Variants in PPARD observed in about 807,000 individuals in gnomAD.
PPARD encodes the protein peroxisome proliferator activated receptor delta.
In PPARD, 6 loss-of-function variants were observed where a neutral mutation model predicts 39.5. The observed-to-expected ratio is 0.15, with a 90% CI of 0.08 to 0.30. PPARD has a LOEUF of 0.30. Ranked by LOEUF, PPARD falls within the 10% of genes least tolerant of loss-of-function variation. PPARD has a pLI of 1.00. For synonymous variants in PPARD, 210 were observed against 231.3 expected (o/e 0.91, Z 0.83); for missense variants, 397 against 596.8 (o/e 0.67, Z 3.49).
At chr6:35,391,751 C>T (rs1029563108) in intron 2 of PPARD, among the ~76,000 whole-genome samples, 10 of 152,310 alleles carry the variant, frequency 6.6e-5, no homozygotes, top group Middle Eastern at 3.4e-3. Context: ...GCTCTACAGC[C>T]ATCTCTCCCT....
chr6:35,380,324 A>G (rs1330887426), intron 2 of PPARD, among the ~76,000 whole-genome samples: 1 of 152,178 alleles, frequency 6.6e-6, no homozygotes, highest in Non-Finnish European at 1.5e-5. Context: ...GTGGTTCCAC[A>G]TCTCACAGTG....
At chr6:35,388,012 A>C (rs915524095) in intron 2 of PPARD, among the ~76,000 whole-genome samples, 1 of 146,356 alleles carries the variant, frequency 6.8e-6, no homozygotes, top group Non-Finnish European at 1.5e-5. Flanking sequence ...GCGAGCCACC[A>C]CACCTGGCCA....
At position 35,412,934 on chromosome 6, in the gene PPARD, G is replaced by A. The variant is rs952210323; in HGVS notation, c.130+1717G>A. Among the ~76,000 whole-genome samples the A allele has an allele frequency of 6.6e-6, 1 of 152,180 alleles. No individual in the cohort carries two copies. The highest frequency in any genetic ancestry group is 1.5e-5 in the Non-Finnish European group (1 of 68,032). On this transcript the variant is annotated intron_variant, in intron 3 of 7. Coordinates refer to ENST00000360694, the MANE Select transcript of PPARD (RefSeq NM_006238.5). This position sits in a 1 kb window ranked among gnomAD's most constrained non-coding sequence, Gnocchi z 4.1. ...TGAAGAAGGTAGGGAGGGTTAGAAA[G>A]CAAAGGGAAGACAGTGGGGACTAAG...
intron 2 of PPARD, among the ~76,000 whole-genome samples, chr6:35,349,290 G>T (rs374258507): frequency 6.6e-6 from 1 of 152,190 alleles, no homozygotes; most frequent in African/African-American, 2.4e-5. Flanking sequence ...CTCCCAAAGT[G>T]CTGGGATTAC....
chr6:35,352,868 T>C (rs918758304), intron 2 of PPARD, among the ~76,000 whole-genome samples: 4 of 152,146 alleles, frequency 2.6e-5, no homozygotes, highest in African/African-American at 9.7e-5. Flanking sequence ...AATGTCAATG[T>C]TTCTCATGTC....
intron 4 of PPARD, among the ~76,000 whole-genome samples, chr6:35,420,490 C>T (rs552664613): frequency 6.6e-6 from 1 of 152,352 alleles, no homozygotes; most frequent in South Asian, 2.1e-4. Flanking sequence ...GCCTACCCTG[C>T]TGGGCACCTG....
intron 2 of PPARD, among the ~76,000 whole-genome samples, chr6:35,364,984 C>A (rs1274230377): frequency 6.6e-6 from 1 of 151,946 alleles, no homozygotes; most frequent in African/African-American, 2.4e-5. Context: ...GGTGGGATTA[C>A]AGGCGTGAGC....
intron 2 of PPARD, among the ~76,000 whole-genome samples, chr6:35,355,115 C>T (rs905677543): frequency 4.6e-5 from 7 of 152,148 alleles, no homozygotes; most frequent in Non-Finnish European, 8.8e-5. Flanking sequence ...GGAGCCCAGC[C>T]TCAGCCTGGG....
chr6:35,349,486 C>T (rs1461496188), intron 2 of PPARD, among the ~76,000 whole-genome samples: 3 of 152,062 alleles, frequency 2.0e-5, no homozygotes, highest in Admixed American at 6.6e-5. Context: ...ATAAAAATGG[C>T]AAAAGAATCT....
chr6:35,425,970 T>G lies in PPARD; in HGVS notation c.1217T>G (p.Leu406Arg). Residue 406 changes from leucine to arginine, a missense_variant, in exon 8 of 8, where the codon CTG becomes CGG. Leu to Arg is a moderately radical substitution (Grantham distance 102). Coordinates refer to ENST00000360694, the MANE Select transcript of PPARD (RefSeq NM_006238.5). This position sits in a 1 kb window ranked among gnomAD's most constrained non-coding sequence, Gnocchi z 4.5. ...FPKLLQKMADLRQLVTEHAQM... is the reference protein window; with the variant it reads ...FPKLLQKMADRRQLVTEHAQM... Reference sequence around the variant, plus strand: ...AAGCTGCTGCAGAAGATGGCTGACCTGCGGCAACTGGTCACCGAGCACGCC... The same window carrying G: ...AAGCTGCTGCAGAAGATGGCTGACCGGCGGCAACTGGTCACCGAGCACGCC... 6.2e-7 allele frequency: 1 copy of G among 1,614,056 alleles called. No homozygotes were observed. Among genetic ancestry groups the G allele is most frequent in the Non-Finnish European group, 8.5e-7 (1 of 1,180,000 alleles).
rs1050803978 is a variant in PPARD, at chr6:35,347,066, G to A, written c.-185-1G>A. ...CTGTTGGGGTTTTTTCTATCCTGCA[G>A]TGTTGTACAGTGTTTTGGGCATGCA... On this transcript the variant is annotated splice_acceptor_variant, in intron 1 of 7. Transcript: ENST00000360694. LOFTEE classifies it low-confidence loss of function (5UTR_SPLICE). 5 of 1,528,658 alleles carry A rather than the reference G, an allele frequency of 3.3e-6. No individual in the cohort carries two copies. The African/African-American group carries it at 6.9e-5, about 21-fold the overall frequency. 94.7% of individuals were successfully genotyped at this position (1,528,658 alleles called of 1,614,324 possible). A position where few individuals can be genotyped will look rare whatever the true frequency, so the allele number is the denominator to read the frequency against.
chr6:35,353,105 T>G (rs1761360411), intron 2 of PPARD, among the ~76,000 whole-genome samples: 1 of 152,236 alleles, frequency 6.6e-6, no homozygotes, highest in Admixed American at 6.5e-5. Flanking sequence ...TGATTTTCAT[T>G]CCTGGAAGCT....
At position 35,405,832 on chromosome 6, in the gene PPARD, G is replaced by A. The variant is rs563456159; in HGVS notation, c.-101-5155G>A. The stretch of plus-strand genomic sequence containing the variant: ...TTTAGTAGAGATGGGGTTTCACCAT[G>A]TTGGCCAGGCTGGTCTCGAACACCT... On this transcript the variant is annotated intron_variant, in intron 2 of 7. Coordinates refer to ENST00000360694, the MANE Select transcript of PPARD (RefSeq NM_006238.5). Among the ~76,000 whole-genome samples the A allele has an allele frequency of 5.9e-5, 9 of 152,166 alleles. No individual in the cohort carries two copies. In the East Asian group the frequency reaches 1.7e-3, roughly 29 times the overall value.
chr6:35,384,279 CAGGCCAGCCGCCCCGTCCGGG>C (rs1763410637), intron 2 of PPARD, among the ~76,000 whole-genome samples: 1 of 139,928 alleles, frequency 7.1e-6, no homozygotes, highest in African/African-American at 2.9e-5. Context: ...AGCCCCCCGC[CAGGCCAGCCGCCCCGTCCGGG>C]AGGGAGGTCG....
In PPARD at chr6:35,426,122, A is replaced by C. The variant is rs1336316950; in HGVS notation, c.*43A>C. The C allele has an allele frequency of 6.3e-7, 1 of 1,590,714 alleles. No homozygotes were observed. On this transcript the variant is annotated 3_prime_UTR_variant, in exon 8 of 8. Transcript: ENST00000360694. ...CCCTGCAGACTCCAATGGGGCCAGC[A>C]CTGGAGGGGCCCACCCACATGACTT...
intron 3 of PPARD, among the ~76,000 whole-genome samples, chr6:35,418,923 A>G (rs1765957872): frequency 6.6e-6 from 1 of 152,310 alleles, no homozygotes; most frequent in South Asian, 2.1e-4. Flanking sequence ...CTAGGACCCA[A>G]GGGGAAGCTG....
chr6:35,398,835 C>T (rs1158611763), intron 2 of PPARD, among the ~76,000 whole-genome samples: 1 of 152,094 alleles, frequency 6.6e-6, no homozygotes, highest in Non-Finnish European at 1.5e-5. Flanking sequence ...TGACATTGGC[C>T]AGGCGCGGTG....
rs1434040731 is a variant in PPARD, at chr6:35,412,444, C to T, written c.130+1227C>T. 1.3e-5 allele frequency among the ~76,000 whole-genome samples: 2 copies of T among 152,328 alleles called. No individual in the cohort carries two copies. The highest frequency in any genetic ancestry group is 6.5e-5 in the Admixed American group (1 of 15,302). ...ACTCAGGCAGAGGAGCAAGCCCACC[C>T]CGCAGAAATGGGCTCTGGACCCCTG... On this transcript the variant is annotated intron_variant, in intron 3 of 7. Transcript: ENST00000360694. This position sits in a 1 kb window ranked among gnomAD's most constrained non-coding sequence, Gnocchi z 4.1.
intron 2 of PPARD, among the ~76,000 whole-genome samples, chr6:35,380,476 G>GTTTTTTTTTTTTTTTTTTTTTT (rs71002557): frequency 4.5e-5 from 3 of 67,142 alleles, no homozygotes; most frequent in Non-Finnish European, 8.4e-5. Flanking sequence ...TTTTTTGTTT[G>GTTTTTTTTTTTTTTTTTTTTTT]TTTTTTTTTT....
Sources: gnomAD v4.1 joint callset for allele counts (sites outside exome capture counted in the v4.1 genomes callset) on GRCh38, gnomAD v4.1.1 for gene constraint, Gnocchi (gnomAD v3.1) non-coding constraint, MANE v1.5 for transcripts, NCBI Gene and HGNC (gene_info 2026-07-23, HGNC 2026-07-21) for gene names.